NTM: variants seen among roughly 807,000 people sequenced by gnomAD.
NTM encodes IgLON family member 2.
A neutral mutation model predicts 42.1 loss-of-function variants in NTM; 13 were observed. The observed-to-expected ratio is 0.31, with a 90% CI of 0.20 to 0.49. The LOEUF is 0.49. Ranked by LOEUF, NTM falls within the 20% of genes least tolerant of loss-of-function variation. NTM has a pLI of 0.99. For synonymous variants in NTM, 187 were observed against 179.2 expected (o/e 1.04, Z -0.35); for missense variants, 373 against 452.8 (o/e 0.82, Z 1.60).
At chr11:131,634,314 C>T (rs550475224) in intron 1 of NTM, among the ~76,000 whole-genome samples, 12 of 151,902 alleles carry the variant, frequency 7.9e-5, no homozygotes, top group Admixed American at 4.6e-4. Flanking sequence ...ATACTGCAGA[C>T]GGCTTATTCT....
chr11:132,315,390 G>A (rs1868536), intron 7 of NTM, among the ~76,000 whole-genome samples: 6,449 of 152,242 alleles, frequency 0.042, 178 homozygotes, highest in Non-Finnish European at 0.064. Flanking sequence ...CCACCAGGCA[G>A]GGCCCTGGGC....
chr11:132,268,901 G>A (rs1385854045), intron 4 of NTM, among the ~76,000 whole-genome samples: 2 of 152,080 alleles, frequency 1.3e-5, no homozygotes, highest in Non-Finnish European at 2.9e-5. Flanking sequence ...ATGCCAGCTT[G>A]TTCCTGAGTG....
chr11:132,185,202 ACT>A lies in NTM; in HGVS notation c.401-26816_401-26815del, dbSNP rs58262417. On this transcript the variant is annotated intron_variant, in intron 3 of 8. Coordinates refer to ENST00000683400, the MANE Select transcript of NTM (RefSeq NM_001352005.2). ...CTGTGTCTTGCTTTCTATCACTGTC[ACT>A]CTCACTCCCCCCATATGTGTGCACA... 1.9e-4 allele frequency among the ~76,000 whole-genome samples: 29 copies of A among 151,720 alleles called. No individual in the cohort carries two copies. The East Asian group carries it at 3.9e-3, about 20-fold the overall frequency.
At chr11:131,778,205 C>A (rs1485833419) in intron 1 of NTM, among the ~76,000 whole-genome samples, 1 of 152,194 alleles carries the variant, frequency 6.6e-6, no homozygotes, top group East Asian at 1.9e-4. Context: ...GCAACCTCTA[C>A]ATGTAGCTGA....
At chr11:132,219,230 T>G (rs1303897102) in intron 4 of NTM, among the ~76,000 whole-genome samples, 1 of 152,182 alleles carries the variant, frequency 6.6e-6, no homozygotes, top group Non-Finnish European at 1.5e-5. Context: ...GTGACTTTCT[T>G]CAGGCAGAGT....
At chr11:131,663,938 C>T (rs1009261734) in intron 1 of NTM, among the ~76,000 whole-genome samples, 1 of 152,208 alleles carries the variant, frequency 6.6e-6, no homozygotes, top group Non-Finnish European at 1.5e-5. Flanking sequence ...TGAATTAGAG[C>T]TTGTGTCTAT....
chr11:131,906,946 A>T (rs2053952947), intron 1 of NTM, among the ~76,000 whole-genome samples: 1 of 152,234 alleles, frequency 6.6e-6, no homozygotes. Flanking sequence ...AGCAAAAAAT[A>T]GCATATATTT....
rs1945909580 is a variant in NTM, at chr11:131,407,353, C to CT, written c.82+36467dup. ...CCCTCTGCACTGGCACTGTCCTTTG[C>CT]TTGTCAGTTTGTATACAAGAGCTAC... On this transcript the variant is annotated intron_variant, in intron 1 of 8. Coordinates refer to ENST00000683400, the MANE Select transcript of NTM (RefSeq NM_001352005.2). Among the ~76,000 whole-genome samples, 5 of 152,312 alleles carry CT rather than the reference C, an allele frequency of 3.3e-5. No individual in the cohort carries two copies. In the South Asian group the frequency reaches 1.0e-3, roughly 32 times the overall value.
At chr11:132,224,373 G>A (rs2085767803) in intron 4 of NTM, among the ~76,000 whole-genome samples, 1 of 152,098 alleles carries the variant, frequency 6.6e-6, no homozygotes, top group Non-Finnish European at 1.5e-5. Context: ...GAAGGTGGGG[G>A]AGAGTGAAAG....
chr11:131,834,617 T>C (rs1592170891), intron 1 of NTM, among the ~76,000 whole-genome samples: 2 of 88,830 alleles, frequency 2.3e-5, no homozygotes, highest in South Asian at 6.4e-4. Flanking sequence ...TGTATATATA[T>C]ACATATACAT....
At chr11:131,519,708 T>C (rs2049357822) in intron 1 of NTM, among the ~76,000 whole-genome samples, 1 of 143,164 alleles carries the variant, frequency 7.0e-6, no homozygotes, top group South Asian at 2.3e-4. Flanking sequence ...ATTTCTGGGT[T>C]AGAACCCGAG....
intron 1 of NTM, among the ~76,000 whole-genome samples, chr11:131,626,183 A>G (rs909029924): frequency 5.9e-5 from 9 of 152,194 alleles, no homozygotes; most frequent in African/African-American, 2.2e-4. Flanking sequence ...GAAGTCTTCA[A>G]TGTTCAAACA....
At chr11:132,040,499 T>C (rs1283462136) in intron 2 of NTM, among the ~76,000 whole-genome samples, 1 of 152,178 alleles carries the variant, frequency 6.6e-6, no homozygotes, top group Non-Finnish European at 1.5e-5. Context: ...CTTATTTCAT[T>C]AACCTAAGAT....
intron 2 of NTM, among the ~76,000 whole-genome samples, chr11:132,036,496 G>T (rs2076528028): frequency 6.6e-6 from 1 of 152,194 alleles, no homozygotes; most frequent in East Asian, 1.9e-4. Flanking sequence ...TTTTTATAAT[G>T]AAAAAGGAGA....
At chr11:131,770,674 C>T (rs541298212) in intron 1 of NTM, 1 of 152,160 alleles carries the variant, frequency 6.6e-6, no homozygotes, top group Non-Finnish European at 1.5e-5. Flanking sequence ...CTGAGCTTCA[C>T]GAAACTGAGC....
chr11:132,335,055 C>G lies in NTM; in HGVS notation c.977C>G (p.Ala326Gly), dbSNP rs1388071693. Residue 326 changes from alanine (A) to glycine (G), a missense_variant, in exon 9 of 9, where the codon GCC becomes GGC. By Grantham distance (60) the Ala-to-Gly change is moderately conservative. Transcript: ENST00000683400. ...TGTGTTCTCTCCACAGGTCCAGGCGCCGTCAGCGAGGTGAGCAACGGCACG... is the reference window on the plus strand; with the variant it reads ...TGTGTTCTCTCCACAGGTCCAGGCGGCGTCAGCGAGGTGAGCAACGGCACG... Reference protein sequence around the residue: ...TALTPWKGPGAVSEVSNGTSR... With the variant: ...TALTPWKGPGGVSEVSNGTSR... 2.5e-6 allele frequency: 4 copies of G among 1,612,234 alleles called. No homozygotes were observed. Among genetic ancestry groups the G allele is most frequent in the Non-Finnish European group, 3.4e-6 (4 of 1,179,956 alleles).
At position 131,939,560 on chromosome 11, in the gene NTM, G is replaced by A. The variant is rs899335655; in HGVS notation, c.167+27912G>A. Among the ~76,000 whole-genome samples, 13 of 152,096 alleles carry A rather than the reference G, an allele frequency of 8.5e-5. No individual in the cohort carries two copies. In the East Asian group the frequency reaches 2.3e-3, roughly 27 times the overall value. ...GTTCCATCTCATCTGTGCAGATGGA[G>A]GGAGTATGGCGCTGGAGAGCAGAGG... On this transcript the variant is annotated intron_variant, in intron 2 of 8. Coordinates refer to ENST00000683400, the MANE Select transcript of NTM (RefSeq NM_001352005.2).
intron 4 of NTM, among the ~76,000 whole-genome samples, chr11:132,269,347 C>A (rs2093369608): frequency 6.6e-6 from 1 of 152,130 alleles, no homozygotes; most frequent in African/African-American, 2.4e-5. Flanking sequence ...TCAATGGAAA[C>A]AGAATGACTC....
intron 1 of NTM, among the ~76,000 whole-genome samples, chr11:131,523,845 G>C (rs564287564): frequency 5.3e-5 from 8 of 151,520 alleles, no homozygotes; most frequent in Non-Finnish European, 8.8e-5. Flanking sequence ...AGACATTAAG[G>C]TATATCTGGA....
Sources: gnomAD v4.1 joint callset for allele counts (sites outside exome capture counted in the v4.1 genomes callset) on GRCh38, gnomAD v4.1.1 for gene constraint, MANE v1.5 for transcripts, NCBI Gene and HGNC (gene_info 2026-07-23, HGNC 2026-07-21) for gene names.